NAB1: variants seen among roughly 807,000 people sequenced by gnomAD.
The protein encoded by NAB1 is NGFI-A binding protein 1.
NAB1 carries 25 observed loss-of-function variants against 49.9 expected under a neutral mutation model. That is an observed-to-expected ratio of 0.50 (90% CI 0.37 to 0.70). The LOEUF is 0.70. Ranked by LOEUF, NAB1 falls within the 30% of genes least tolerant of loss-of-function variation. The pLI is 0.00. For missense variants in NAB1, 489 were observed against 575.9 expected, an observed-to-expected ratio of 0.85 and a Z score of 1.54; for synonymous variants, 198 against 215.6, an observed-to-expected ratio of 0.92 and a Z score of 0.71.
In NAB1 at chr2:190,659,180, G is replaced by A. The variant is rs754331585; in HGVS notation, c.4G>A (p.Ala2Thr). 1 of 1,610,120 alleles carries A rather than the reference G, an allele frequency of 6.2e-7. No individual in the cohort carries two copies. The highest frequency in any genetic ancestry group is 1.1e-5 in the South Asian group (1 of 90,868). The change falls in exon 4 of 10, where the codon GCT becomes ACT. Residue 2 changes from alanine (A) to threonine (T), a missense_variant. Ala to Thr is a moderately conservative substitution (Grantham distance 58). Coordinates refer to ENST00000337386, the MANE Select transcript of NAB1 (RefSeq NM_005966.4). This position sits in a 1 kb window ranked among gnomAD's most constrained non-coding sequence, Gnocchi z 6.2. MAAALPRTLGEL... is the reference protein window; with the variant it reads MTAALPRTLGEL... Reference sequence around the variant, plus strand: ...CAGGTTAAACCCATCCAGAGTAATGGCTGCGGCCTTACCCAGGACCCTGGG... The same window carrying A: ...CAGGTTAAACCCATCCAGAGTAATGACTGCGGCCTTACCCAGGACCCTGGG...
chr2:190,675,222 ATC>A lies in NAB1; in HGVS notation c.1005+2072_1005+2073del, dbSNP rs1398405148. Among the ~76,000 whole-genome samples, 39 of 152,336 alleles carry A rather than the reference ATC, an allele frequency of 2.6e-4. No homozygotes were observed. Among genetic ancestry groups the A allele is most frequent in the Admixed American group, 2.5e-3 (39 of 15,298 alleles). On this transcript the variant is annotated intron_variant, in intron 6 of 9. Coordinates refer to ENST00000337386, the MANE Select transcript of NAB1 (RefSeq NM_005966.4). This position sits in a 1 kb window ranked among gnomAD's most constrained non-coding sequence, Gnocchi z 5.2. Reference sequence around the variant, plus strand: ...GTTGCTAGGCTAGAAATATGTCTCTATCTATTTCTCACCATTGGCCCTAAGTG... The same window carrying A: ...GTTGCTAGGCTAGAAATATGTCTCTATATTTCTCACCATTGGCCCTAAGTG...
At position 190,657,373 on chromosome 2, in the gene NAB1, C is replaced by T. The variant is rs1362929982; in HGVS notation, c.-20+1220C>T. Among the ~76,000 whole-genome samples the T allele has an allele frequency of 6.6e-6, 1 of 152,162 alleles. No individual in the cohort carries two copies. Among genetic ancestry groups the T allele is most frequent in the African/African-American group, 2.4e-5 (1 of 41,440 alleles). On this transcript the variant is annotated intron_variant, in intron 3 of 9. Transcript: ENST00000337386. The surrounding 1 kb of genome is among the most constrained non-coding windows in gnomAD (Gnocchi z 4.4). ...ACCTAAAGAATTACCTGGGTCATCA[C>T]AGTACCTGTAGGAGTTTGTGGTGCC...
rs1397512472 is a variant in NAB1, at chr2:190,659,795, GC to G, written c.624del (p.Thr209HisfsTer7). ...TGTGGCTGAGTGTGTGGAGCGGATG[GC>G]CCCCACACTGCCAAAAAGTGACTTG... ...LSVAECVERMAPTLPKSDLNE... is the reference protein window; with the variant it reads ...LSVAECVERMXPTLPKSDLNE... On this transcript the variant is annotated frameshift_variant, in exon 4 of 10. Coordinates refer to ENST00000337386, the MANE Select transcript of NAB1 (RefSeq NM_005966.4). LOFTEE classifies it high-confidence loss of function. The surrounding 1 kb of genome is among the most constrained non-coding windows in gnomAD (Gnocchi z 6.2). 6.2e-7 allele frequency: 1 copy of G among 1,614,016 alleles called. No individual in the cohort carries two copies. Among genetic ancestry groups the G allele is most frequent in the Non-Finnish European group, 8.5e-7 (1 of 1,180,020 alleles).
chr2:190,671,829 G>A (rs968718539), intron 5 of NAB1, among the ~76,000 whole-genome samples: 1 of 136,166 alleles, frequency 7.3e-6, no homozygotes, highest in African/African-American at 2.8e-5. Context: ...AGGCTGGAGT[G>A]CAATAGCTCG....
In NAB1 at chr2:190,659,074, T is replaced by G. The variant is rs1203100047; in HGVS notation, c.-19-84T>G. 1.1e-6 allele frequency: 1 copy of G among 895,856 alleles called. No individual in the cohort carries two copies. Among genetic ancestry groups the G allele is most frequent in the Non-Finnish European group, 1.7e-6 (1 of 601,236 alleles). 55.5% of individuals were successfully genotyped at this position (895,856 alleles called of 1,614,324 possible). A position where few individuals can be genotyped will look rare whatever the true frequency, so the allele number is the denominator to read the frequency against. On this transcript the variant is annotated intron_variant, in intron 3 of 9. Coordinates refer to ENST00000337386, the MANE Select transcript of NAB1 (RefSeq NM_005966.4). The surrounding 1 kb of genome is among the most constrained non-coding windows in gnomAD (Gnocchi z 6.2). ...ATGCAGATGCTTCTCGTTTTTGTTC[T>G]TAAAACCTGTAGTGTAACCTATTTG...
chr2:190,675,104 G>A lies in NAB1; in HGVS notation c.1005+1952G>A, dbSNP rs1574461038. The stretch of plus-strand genomic sequence containing the variant: ...TGACTCACTGCCACTGAAAGGGAAA[G>A]GCAGGTGAACATAGAAACTGCTAAG... On this transcript the variant is annotated intron_variant, in intron 6 of 9. Transcript: ENST00000337386. This position sits in a 1 kb window ranked among gnomAD's most constrained non-coding sequence, Gnocchi z 5.2. Among the ~76,000 whole-genome samples, 1 of 152,230 alleles carries A rather than the reference G, an allele frequency of 6.6e-6. No individual in the cohort carries two copies. The highest frequency in any genetic ancestry group is 2.4e-5 in the African/African-American group (1 of 41,458).
At chr2:190,683,075 G>T (rs1695427012) in intron 6 of NAB1, among the ~76,000 whole-genome samples, 1 of 151,982 alleles carries the variant, frequency 6.6e-6, no homozygotes, top group African/African-American at 2.4e-5. Flanking sequence ...CCCCCCACTA[G>T]GTTAAATGTT....
chr2:190,672,953 ATTTTAATGATCATT>A, intron 5 of NAB1, 134 bp from the exon 6 acceptor site: 1 of 692,464 alleles, frequency 1.4e-6, no homozygotes, highest in Non-Finnish European at 2.5e-6. Context: ...TTTCTTCATT[ATTTTAATGATCATT>A]ATGAATATGT....
In NAB1 at chr2:190,686,105, C is replaced by T. The variant is rs1292402001; in HGVS notation, c.1258+467C>T. Among the ~76,000 whole-genome samples the T allele has an allele frequency of 1.3e-5, 2 of 152,192 alleles. No individual in the cohort carries two copies. The highest frequency in any genetic ancestry group is 1.5e-5 in the Non-Finnish European group (1 of 68,024). ...CTCAGGTTTAGAAAGCCATGTGATT[C>T]GTGAGTGTTTTTACCATTCTAAAAA... is the stretch of plus-strand genomic sequence containing the variant. On this transcript the variant is annotated intron_variant, in intron 8 of 9. Coordinates refer to ENST00000337386, the MANE Select transcript of NAB1 (RefSeq NM_005966.4). This position sits in a 1 kb window ranked among gnomAD's most constrained non-coding sequence, Gnocchi z 5.5.
In NAB1 at chr2:190,685,105, G is replaced by A. The variant is rs770918709; in HGVS notation, c.1096-371G>A. Among the ~76,000 whole-genome samples, 13 of 152,052 alleles carry A rather than the reference G, an allele frequency of 8.5e-5. No homozygotes were observed. Among genetic ancestry groups the A allele is most frequent in the Admixed American group, 3.3e-4 (5 of 15,262 alleles). ...CCTAAAATAAAAATGCCAAGATTTC[G>A]CCCCAAGTGTTAGAAGTAGTTTATA... On this transcript the variant is annotated intron_variant, in intron 7 of 9. Transcript: ENST00000337386. The surrounding 1 kb of genome is among the most constrained non-coding windows in gnomAD (Gnocchi z 4.5).
rs1189002128 is a variant in NAB1 at position 190,659,895 on chromosome 2, A to G, written c.719A>G (p.Asp240Gly). The change falls in exon 4 of 10, where the codon GAT becomes GGT. Residue 240 changes from aspartate to glycine, a missense_variant. Physicochemically the swap from Asp to Gly is moderately conservative, Grantham distance 94. Transcript: ENST00000337386. The surrounding 1 kb of genome is among the most constrained non-coding windows in gnomAD (Gnocchi z 6.2). ...KMIGHIFEMN[D>G]DDPHKEEEIR... ...ATTGGTCACATCTTTGAGATGAACG[A>G]TGATGATCCACACAAAGAGGAGGAA... 1 of 1,614,118 alleles carries G rather than the reference A, an allele frequency of 6.2e-7. No homozygotes were observed. The highest frequency in any genetic ancestry group is 1.3e-5 in the African/African-American group (1 of 74,948).
At chr2:190,660,796 C>T (rs1248924889) in intron 4 of NAB1, among the ~76,000 whole-genome samples, 1 of 152,092 alleles carries the variant, frequency 6.6e-6, no homozygotes, top group East Asian at 1.9e-4. Flanking sequence ...TATTTGTATA[C>T]TGGTCTGTGC....
chr2:190,662,724 T>C (rs1426312268), intron 4 of NAB1, among the ~76,000 whole-genome samples: 2 of 152,184 alleles, frequency 1.3e-5, no homozygotes, highest in Non-Finnish European at 2.9e-5. Context: ...CTTGTAATAC[T>C]CAGAAATGTA....
chr2:190,654,517 G>A lies in NAB1; in HGVS notation c.-196-1460G>A, dbSNP rs1240723011. ...AGAGGATGCCTGGCACAGGGGCAGGGAAGTGGAAGGCATATTTGAGGAATG... is the reference window on the plus strand; with the variant it reads ...AGAGGATGCCTGGCACAGGGGCAGGAAAGTGGAAGGCATATTTGAGGAATG... On this transcript the variant is annotated intron_variant, in intron 2 of 9. Transcript: ENST00000337386. This position sits in a 1 kb window ranked among gnomAD's most constrained non-coding sequence, Gnocchi z 5.6. Among the ~76,000 whole-genome samples the A allele has an allele frequency of 6.6e-6, 1 of 152,196 alleles. No homozygotes were observed. The highest frequency in any genetic ancestry group is 1.5e-5 in the Non-Finnish European group (1 of 68,028).
chr2:190,660,643 C>G (rs924393575), intron 4 of NAB1, among the ~76,000 whole-genome samples: 7 of 152,168 alleles, frequency 4.6e-5, no homozygotes, highest in Non-Finnish European at 8.8e-5. Context: ...TCTTGTCTAT[C>G]TGGTCAACAC....
In NAB1 at chr2:190,675,938, C is replaced by T. The variant is rs1269039103; in HGVS notation, c.1005+2786C>T. Among the ~76,000 whole-genome samples, 1 of 152,114 alleles carries T rather than the reference C, an allele frequency of 6.6e-6. No individual in the cohort carries two copies. Among genetic ancestry groups the T allele is most frequent in the East Asian group, 1.9e-4 (1 of 5,204 alleles). Reference sequence around the variant, plus strand: ...AAAATATATAGTATTGGTATGAATCCTTGTCTGTGCTGTACTATAAGTCAA... The same window carrying T: ...AAAATATATAGTATTGGTATGAATCTTTGTCTGTGCTGTACTATAAGTCAA... On this transcript the variant is annotated intron_variant, in intron 6 of 9. Coordinates refer to ENST00000337386, the MANE Select transcript of NAB1 (RefSeq NM_005966.4). The surrounding 1 kb of genome is among the most constrained non-coding windows in gnomAD (Gnocchi z 5.2).
rs914319472 is a variant in NAB1 at position 190,677,189 on chromosome 2, A to T, written c.1005+4037A>T. 1 of 152,082 alleles carries T rather than the reference A, an allele frequency of 6.6e-6. No individual in the cohort carries two copies. The highest frequency in any genetic ancestry group is 1.5e-5 in the Non-Finnish European group (1 of 68,018). The allele number at this position is 152,082 out of a possible 1,614,324, so 9.4% of individuals were successfully genotyped here. A position where few individuals can be genotyped will look rare whatever the true frequency, so the allele number is the denominator to read the frequency against. ...GGTTGTTCCCCCTTAAAGGATAGTT[A>T]CTTATTTGATTTAAAAAAAAAATAG... On this transcript the variant is annotated intron_variant, in intron 6 of 9. Transcript: ENST00000337386. The surrounding 1 kb of genome is among the most constrained non-coding windows in gnomAD (Gnocchi z 5.6).
At chr2:190,672,616 C>T (rs1258286615) in intron 5 of NAB1, among the ~76,000 whole-genome samples, 3 of 152,024 alleles carry the variant, frequency 2.0e-5, no homozygotes, top group African/African-American at 4.8e-5. Context: ...CTAAATTATT[C>T]CTACTGAACC....
At chr2:190,662,434 G>A (rs1158846626) in intron 4 of NAB1, among the ~76,000 whole-genome samples, 1 of 151,056 alleles carries the variant, frequency 6.6e-6, no homozygotes, top group East Asian at 1.9e-4. Flanking sequence ...CCTACAGCCT[G>A]GCTAAGTACA....
Sources: allele counts gnomAD v4.1 joint callset (sites outside exome capture counted in the v4.1 genomes callset), GRCh38; gene constraint gnomAD v4.1.1; non-coding constraint Gnocchi (gnomAD v3.1); transcripts MANE v1.5; gene names NCBI Gene and HGNC (gene_info 2026-07-23, HGNC 2026-07-21).